The following LRP1B variants were observed in gnomAD, a reference collection of about 807,000 sequenced individuals.
LRP1B encodes the protein LDL receptor related protein 1B.
Under a neutral mutation model 556.6 loss-of-function variants are expected in LRP1B, and 217 were observed. That is an observed-to-expected ratio of 0.39 (90% CI 0.35 to 0.44). LRP1B has a LOEUF of 0.44. Ranked by LOEUF, LRP1B falls within the 20% of genes least tolerant of loss-of-function variation. The probability of loss-of-function intolerance (pLI) is 1.00; values close to 1 mark genes in which losing one functional copy is unlikely to be tolerated. For synonymous variants in LRP1B, 2,047 were observed against 1,865.8 expected (o/e 1.10, Z -2.50); for missense variants, 5,053 against 5,620.8 (o/e 0.90, Z 3.23).
chr2:141,366,793 T>C (rs1013532299), intron 3 of LRP1B, among the ~76,000 whole-genome samples: 1 of 152,234 alleles, frequency 6.6e-6, no homozygotes, highest in African/African-American at 2.4e-5. Flanking sequence ...CTCACTATGG[T>C]GAAGGGATGG....
At chr2:140,730,817 A>T (rs1687752546) in intron 35 of LRP1B, among the ~76,000 whole-genome samples, 1 of 152,150 alleles carries the variant, frequency 6.6e-6, no homozygotes, top group African/African-American at 2.4e-5. Context: ...TCGGCCTCCC[A>T]AATTGCTGAG....
chr2:141,938,887 A>G (rs1700712596), intron 1 of LRP1B, among the ~76,000 whole-genome samples: 3 of 152,124 alleles, frequency 2.0e-5, no homozygotes, highest in Admixed American at 1.3e-4. Context: ...AAGTGAAATA[A>G]GCCAGACCCA....
intron 1 of LRP1B, among the ~76,000 whole-genome samples, chr2:142,012,245 G>A (rs1702979996): frequency 6.6e-6 from 1 of 151,956 alleles, no homozygotes; most frequent in African/African-American, 2.4e-5. Context: ...TTCACACAAA[G>A]TCAAACATTC....
intron 7 of LRP1B, among the ~76,000 whole-genome samples, chr2:141,078,917 A>T (rs772306154): frequency 6.6e-6 from 1 of 152,202 alleles, no homozygotes; most frequent in Non-Finnish European, 1.5e-5. Context: ...CATCTTGGAT[A>T]GTGAGATTAT....
At chr2:142,041,387 T>G (rs958074217) in intron 1 of LRP1B, among the ~76,000 whole-genome samples, 2 of 151,422 alleles carry the variant, frequency 1.3e-5, no homozygotes, top group Non-Finnish European at 3.0e-5. Context: ...TTAGAATTAA[T>G]GTAGAAAAGA....
At position 140,459,867 on chromosome 2, in the gene LRP1B, C is replaced by A. The variant is rs576042860; in HGVS notation, c.9626-2216G>T. On this transcript the variant is annotated intron_variant, in intron 60 of 90. Transcript: ENST00000389484. ...CGAGATAAGTGTGTAGCACTTCCCC[C>A]CTACACTCCCTCTCTCCTGCTGCCA... Among the ~76,000 whole-genome samples, 3 of 152,226 alleles carry A rather than the reference C, an allele frequency of 2.0e-5. No homozygotes were observed. In the South Asian group the frequency reaches 6.2e-4, roughly 32 times the overall value.
chr2:141,403,772 C>T (rs757185574), intron 3 of LRP1B, among the ~76,000 whole-genome samples: 5 of 151,978 alleles, frequency 3.3e-5, no homozygotes, highest in African/African-American at 9.7e-5. Flanking sequence ...TATAATATAG[C>T]GAATTCAGGT....
intron 83 of LRP1B, among the ~76,000 whole-genome samples, chr2:140,313,475 T>G (rs565097172): frequency 6.6e-6 from 1 of 151,928 alleles, no homozygotes; most frequent in African/African-American, 2.4e-5. Flanking sequence ...ATCCCTGAGA[T>G]GCATTGCAGG....
At chr2:140,266,139 T>G (rs964523098) in intron 86 of LRP1B, among the ~76,000 whole-genome samples, 8 of 140,042 alleles carry the variant, frequency 5.7e-5, no homozygotes, top group Non-Finnish European at 1.2e-4. Flanking sequence ...CTACTTACTG[T>G]TTTTTTTTGT....
chr2:140,234,024 T>C (rs1445971871), intron 90 of LRP1B, among the ~76,000 whole-genome samples: 1 of 151,346 alleles, frequency 6.6e-6, no homozygotes, highest in Non-Finnish European at 1.5e-5. Context: ...TTTAACAAAT[T>C]GCAGTTTATC....
chr2:141,658,115 T>C (rs1043463598), intron 2 of LRP1B, among the ~76,000 whole-genome samples: 9 of 152,032 alleles, frequency 5.9e-5, no homozygotes, highest in Admixed American at 5.9e-4. Context: ...AGGGAAGAAA[T>C]TGTAATAGGT....
At chr2:141,898,452 C>G (rs1190992274) in intron 1 of LRP1B, among the ~76,000 whole-genome samples, 1 of 152,058 alleles carries the variant, frequency 6.6e-6, no homozygotes, top group Non-Finnish European at 1.5e-5. Context: ...CAGTTTTAAT[C>G]TTGTTTTAAG....
intron 7 of LRP1B, among the ~76,000 whole-genome samples, chr2:141,135,581 T>C (rs1403944849): frequency 6.6e-6 from 1 of 151,976 alleles, no homozygotes; most frequent in Non-Finnish European, 1.5e-5. Flanking sequence ...CTCTCAAGTT[T>C]CCTCATTGAG....
intron 25 of LRP1B, among the ~76,000 whole-genome samples, chr2:140,872,736 T>C (rs559953407): frequency 6.6e-6 from 1 of 152,202 alleles, no homozygotes; most frequent in Admixed American, 6.5e-5. Flanking sequence ...ATGTAAATTT[T>C]GCTATTTGAT....
At chr2:140,402,159 GGGT>G (rs1415158722) in intron 66 of LRP1B, among the ~76,000 whole-genome samples, 2 of 152,188 alleles carry the variant, frequency 1.3e-5, no homozygotes, top group Non-Finnish European at 2.9e-5. Flanking sequence ...CCTACTCCCA[GGGT>G]AGGTGCGGAG....
intron 23 of LRP1B, among the ~76,000 whole-genome samples, chr2:140,892,676 G>A (rs1693832483): frequency 6.6e-6 from 1 of 152,042 alleles, no homozygotes; most frequent in African/African-American, 2.4e-5. Flanking sequence ...GGTCCTAAAG[G>A]AATTTTTATC....
chr2:140,624,590 TG>T (rs1354290265), intron 41 of LRP1B, among the ~76,000 whole-genome samples: 1 of 152,158 alleles, frequency 6.6e-6, no homozygotes, highest in Non-Finnish European at 1.5e-5. Flanking sequence ...TTAAAAGGAT[TG>T]GGAATATAGC....
At chr2:141,952,296 G>C (rs1299479109) in intron 1 of LRP1B, among the ~76,000 whole-genome samples, 1 of 151,976 alleles carries the variant, frequency 6.6e-6, no homozygotes, top group Non-Finnish European at 1.5e-5. Context: ...ATTGTGAATA[G>C]TGCCGCAATA....
chr2:141,815,357 T>C (rs961863304), intron 1 of LRP1B, among the ~76,000 whole-genome samples: 1 of 152,100 alleles, frequency 6.6e-6, no homozygotes, highest in Non-Finnish European at 1.5e-5. Flanking sequence ...CTGGGTCGAG[T>C]GAGGACTTGG....
Sources: allele counts gnomAD v4.1 joint callset (sites outside exome capture counted in the v4.1 genomes callset), GRCh38; gene constraint gnomAD v4.1.1; transcripts MANE v1.5; gene names NCBI Gene and HGNC (gene_info 2026-07-23, HGNC 2026-07-21).